NKAIN2: variants seen among roughly 807,000 people sequenced by gnomAD.
The protein encoded by NKAIN2 is sodium/potassium-transporting ATPase subunit beta-1-interacting protein 2.
NKAIN2 carries 14 observed loss-of-function variants against 32.6 expected under a neutral mutation model. The ratio of observed to expected loss-of-function variants is 0.43; its 90% CI spans 0.28 to 0.67. The LOEUF (loss-of-function observed/expected upper bound fraction) is 0.67, where lower values mean the gene tolerates loss of function less well. Among genes scored for constraint, NKAIN2 ranks in the 30% least tolerant of loss-of-function variants. The probability of loss-of-function intolerance (pLI) is 0.17; values close to 1 mark genes in which losing one functional copy is unlikely to be tolerated. For missense variants in NKAIN2, 198 were observed against 258.3 expected (o/e 0.77, Z 1.60); for synonymous variants, 80 against 87.2 (o/e 0.92, Z 0.46).
chr6:124,783,270 A>G (rs1779354427), intron 4 of NKAIN2, among the ~76,000 whole-genome samples: 1 of 152,202 alleles, frequency 6.6e-6, no homozygotes, highest in Non-Finnish European at 1.5e-5. Context: ...GAAGAAATCT[A>G]CCAGTTTCCA....
At chr6:124,821,983 A>G (rs1161666391) in intron 6 of NKAIN2, among the ~76,000 whole-genome samples, 1 of 152,184 alleles carries the variant, frequency 6.6e-6, no homozygotes, top group East Asian at 1.9e-4. Context: ...AAATTCTTAG[A>G]CAGACTGTGA....
intron 3 of NKAIN2, among the ~76,000 whole-genome samples, chr6:124,577,739 G>A (rs7773458): frequency 0.012 from 1,784 of 151,726 alleles, 35 homozygotes; most frequent in African/African-American, 0.04. Flanking sequence ...AGCCAAGGGA[G>A]TACTTGCACC....
rs919221341 is a variant in NKAIN2 at position 123,888,032 on chromosome 6, A to T, written c.54+83778A>T. ...AGATTAAATGACCTAATATTTGTAA[A>T]GTGTATAAAATAGTGCTTGGTATAA... On this transcript the variant is annotated intron_variant, in intron 1 of 6. Coordinates refer to ENST00000368417, the MANE Select transcript of NKAIN2 (RefSeq NM_001040214.3). Among the ~76,000 whole-genome samples the T allele has an allele frequency of 3.3e-5, 5 of 152,272 alleles. No individual in the cohort carries two copies. The South Asian group carries it at 1.0e-3, about 32-fold the overall frequency.
chr6:124,257,755 T>C (rs1794017121), intron 1 of NKAIN2, among the ~76,000 whole-genome samples: 1 of 151,082 alleles, frequency 6.6e-6, no homozygotes, highest in African/African-American at 2.4e-5. Context: ...TGGACATATA[T>C]TAATTCATTT....
intron 4 of NKAIN2, among the ~76,000 whole-genome samples, chr6:124,736,385 CT>C (rs1337864842): frequency 1.3e-5 from 2 of 151,918 alleles, no homozygotes; most frequent in Non-Finnish European, 2.9e-5. Flanking sequence ...TCCAGAAGAT[CT>C]AGCTAAGATC....
At chr6:124,703,743 A>C (rs1279552631) in intron 4 of NKAIN2, among the ~76,000 whole-genome samples, 4 of 152,006 alleles carry the variant, frequency 2.6e-5, no homozygotes, top group African/African-American at 9.7e-5. Flanking sequence ...GGAAATAAAC[A>C]ATCTTCTCAG....
intron 1 of NKAIN2, among the ~76,000 whole-genome samples, chr6:123,985,283 C>A (rs1779085480): frequency 6.6e-6 from 1 of 151,990 alleles, no homozygotes; most frequent in African/African-American, 2.4e-5. Flanking sequence ...GCCTGTAATC[C>A]CAGCTACTCG....
At chr6:124,238,309 A>T (rs908027029) in intron 1 of NKAIN2, among the ~76,000 whole-genome samples, 2 of 152,158 alleles carry the variant, frequency 1.3e-5, no homozygotes, top group African/African-American at 4.8e-5. Context: ...ATATAATCTT[A>T]TACTTTTTAA....
chr6:124,115,066 T>G (rs1785546612), intron 1 of NKAIN2, among the ~76,000 whole-genome samples: 1 of 152,124 alleles, frequency 6.6e-6, no homozygotes, highest in African/African-American at 2.4e-5. Flanking sequence ...AATAATAGGC[T>G]AAATCTGTCA....
intron 3 of NKAIN2, among the ~76,000 whole-genome samples, chr6:124,656,333 G>A (rs1270518204): frequency 6.6e-6 from 1 of 152,090 alleles, no homozygotes; most frequent in African/African-American, 2.4e-5. Flanking sequence ...AATCCAAATT[G>A]TATTCAAAAT....
chr6:123,995,317 G>C (rs1779572843), intron 1 of NKAIN2, among the ~76,000 whole-genome samples: 1 of 152,162 alleles, frequency 6.6e-6, no homozygotes, highest in South Asian at 2.1e-4. Flanking sequence ...AGAGAGAATA[G>C]TAACAGAGGA....
intron 1 of NKAIN2, among the ~76,000 whole-genome samples, chr6:123,912,761 C>G (rs1775284451): frequency 6.6e-6 from 1 of 152,170 alleles, no homozygotes; most frequent in South Asian, 2.1e-4. Flanking sequence ...GTACAGCCTG[C>G]AGGGGCACCA....
intron 1 of NKAIN2, among the ~76,000 whole-genome samples, chr6:124,087,596 C>G (rs1314098541): frequency 2.0e-5 from 3 of 152,020 alleles, no homozygotes; most frequent in South Asian, 4.2e-4. Flanking sequence ...GGTAGATATA[C>G]ATGTGTGTAG....
rs189849413 is a variant in NKAIN2 at position 124,279,988 on chromosome 6, T to C, written c.55-3017T>C. 3.3e-3 allele frequency among the ~76,000 whole-genome samples: 503 copies of C among 152,276 alleles called. 4 individuals carry two copies. Among genetic ancestry groups the C allele is most frequent in the Middle Eastern group, 0.014 (4 of 294 alleles). Reference sequence around the variant, plus strand: ...GCAACCAAATTATGCGTTAATAATGTTGTGATCTGTGCAAGCCAAACACAA... The same window carrying C: ...GCAACCAAATTATGCGTTAATAATGCTGTGATCTGTGCAAGCCAAACACAA... On this transcript the variant is annotated intron_variant, in intron 1 of 6. Coordinates refer to ENST00000368417, the MANE Select transcript of NKAIN2 (RefSeq NM_001040214.3).
intron 4 of NKAIN2, among the ~76,000 whole-genome samples, chr6:124,691,351 C>T (rs1583655234): frequency 1.3e-5 from 2 of 152,204 alleles, no homozygotes; most frequent in South Asian, 4.1e-4. Context: ...TATGTCCTTT[C>T]TAATCAGCAG....
rs144378547 is a variant in NKAIN2 at position 124,236,376 on chromosome 6, C to G, written c.55-46629C>G. On this transcript the variant is annotated intron_variant, in intron 1 of 6. Transcript: ENST00000368417. ...CAGAGGTCACGTGTGGGTCGGAGCC[C>G]ATACACTTGAGGAAGGCATTGTAAT... 1.9e-3 allele frequency among the ~76,000 whole-genome samples: 292 copies of G among 152,170 alleles called. 1 individual carries two copies. Among genetic ancestry groups the G allele is most frequent in the African/African-American group, 6.3e-3 (260 of 41,536 alleles).
chr6:124,041,261 C>A (rs1226478307), intron 1 of NKAIN2, among the ~76,000 whole-genome samples: 23 of 151,972 alleles, frequency 1.5e-4, no homozygotes, highest in Admixed American at 1.5e-3. Context: ...TTTTAATGAT[C>A]ATTATCCGCA....
intron 3 of NKAIN2, among the ~76,000 whole-genome samples, chr6:124,632,704 ATATACT>A (rs1783617557): frequency 6.6e-6 from 1 of 152,136 alleles, no homozygotes. Context: ...AAATAGATAC[ATATACT>A]TAAAAGTGTT....
At chr6:123,954,723 A>G (rs1447216088) in intron 1 of NKAIN2, among the ~76,000 whole-genome samples, 3 of 152,124 alleles carry the variant, frequency 2.0e-5, no homozygotes, top group Non-Finnish European at 4.4e-5. Context: ...CAGAACCTTG[A>G]GATGCTGAGT....
Sources: gnomAD v4.1 joint callset for allele counts (sites outside exome capture counted in the v4.1 genomes callset) on GRCh38, gnomAD v4.1.1 for gene constraint, MANE v1.5 for transcripts, NCBI Gene and HGNC (gene_info 2026-07-23, HGNC 2026-07-21) for gene names.